Variants in PDPR observed in about 807,000 individuals in gnomAD.
PDPR encodes the protein pyruvate dehydrogenase phosphatase regulatory subunit, also known as pyruvate dehydrogenase phosphatase regulatory subunit, mitochondrial.
In PDPR, 50 loss-of-function variants were observed where a neutral mutation model predicts 102.2. That is an observed-to-expected ratio of 0.49 (90% CI 0.39 to 0.62). The LOEUF (loss-of-function observed/expected upper bound fraction) is 0.62, where lower values mean the gene tolerates loss of function less well. PDPR is among the 20% of genes least tolerant of loss of function. The probability of loss-of-function intolerance (pLI) is 0.00; values close to 1 mark genes in which losing one functional copy is unlikely to be tolerated. For missense variants in PDPR, 625 were observed against 1,098.2 expected, an observed-to-expected ratio of 0.57 and a Z score of 6.09; for synonymous variants, 259 against 406.0, an observed-to-expected ratio of 0.64 and a Z score of 4.35.
At chr16:70,135,251 T>TC (rs1555524829) in intron 9 of PDPR, among the ~76,000 whole-genome samples, 3 of 152,018 alleles carry the variant, frequency 2.0e-5, no homozygotes, top group African/African-American at 4.8e-5. Flanking sequence ...TTTTTTTTTT[T>TC]CCTGAGATGG....
In PDPR at chr16:70,157,164, C is replaced by T. The variant is rs753721691; in HGVS notation, c.*285C>T. Reference sequence around the variant, plus strand: ...GGAGGTATGTCTGACAGGACAGAAGCAAGCTCCACTGTGGACATGAGTGAT... The same window carrying T: ...GGAGGTATGTCTGACAGGACAGAAGTAAGCTCCACTGTGGACATGAGTGAT... On this transcript the variant is annotated 3_prime_UTR_variant, in exon 19 of 19. Transcript: ENST00000288050. The T allele has an allele frequency of 1.1e-4, 72 of 640,086 alleles. No individual in the cohort carries two copies. Among genetic ancestry groups the T allele is most frequent in the Non-Finnish European group, 1.8e-4 (64 of 348,484 alleles). The allele number at this position is 640,086 out of a possible 1,614,324, so 39.7% of individuals were successfully genotyped here. A position where few individuals can be genotyped will look rare whatever the true frequency, so the allele number is the denominator to read the frequency against.
At chr16:70,150,605 T>C (rs1327589045) in intron 17 of PDPR, among the ~76,000 whole-genome samples, 1 of 148,844 alleles carries the variant, frequency 6.7e-6, no homozygotes, top group Non-Finnish European at 1.5e-5. Flanking sequence ...CCTCCGAGGC[T>C]GAAGTGATCC....
intron 2 of PDPR, among the ~76,000 whole-genome samples, chr16:70,115,829 A>G (rs1461791696): frequency 2.6e-5 from 4 of 152,072 alleles, no homozygotes; most frequent in Non-Finnish European, 5.9e-5. Flanking sequence ...GTTTTAAACC[A>G]GATGATGTGC....
At chr16:70,129,629 G>T (rs1259163675) in intron 6 of PDPR, among the ~76,000 whole-genome samples, 1 of 152,196 alleles carries the variant, frequency 6.6e-6, no homozygotes, top group Non-Finnish European at 1.5e-5. Context: ...GATTACAGGC[G>T]TGAGCCACTG....
In PDPR at chr16:70,156,958, C is replaced by T. The variant is rs956844581; in HGVS notation, c.*79C>T. On this transcript the variant is annotated 3_prime_UTR_variant, in exon 19 of 19. Coordinates refer to ENST00000288050, the MANE Select transcript of PDPR (RefSeq NM_017990.5). ...CACCTTGGAGCTTCTCTTCCTTCCGCCTCTGTTCCTCTTCTGGAGCCTTTG... is the reference window on the plus strand; with the variant it reads ...CACCTTGGAGCTTCTCTTCCTTCCGTCTCTGTTCCTCTTCTGGAGCCTTTG... 1.3e-6 allele frequency: 2 copies of T among 1,531,562 alleles called. No homozygotes were observed. Among genetic ancestry groups the T allele is most frequent in the South Asian group, 2.4e-5 (2 of 84,166 alleles). The allele number at this position is 1,531,562 out of a possible 1,614,324, so 94.9% of individuals were successfully genotyped here. A position where few individuals can be genotyped will look rare whatever the true frequency, so the allele number is the denominator to read the frequency against.
Position 70,153,532 on chromosome 16 carries a change from C to G in PDPR, c.2194C>G (p.Pro732Ala). The change falls in exon 18 of 19, where the codon CCC (proline) becomes GCC (alanine). Residue 732 changes from proline (P) to alanine (A), a missense_variant. By Grantham distance (27) the Pro-to-Ala change is conservative (BLOSUM62 -1). Transcript: ENST00000288050. ...WGQDINNLTT[P>A]LECGRESRVK... Reference sequence around the variant, plus strand: ...TCAGGATATAAATAACCTCACCACGCCCCTGGAATGTGGACGAGAGTCTCG... The same window carrying G: ...TCAGGATATAAATAACCTCACCACGGCCCTGGAATGTGGACGAGAGTCTCG... 7.4e-6 allele frequency: 12 copies of G among 1,611,324 alleles called. No individual in the cohort carries two copies. Among genetic ancestry groups the G allele is most frequent in the Non-Finnish European group, 1.0e-5 (12 of 1,178,986 alleles).
intron 3 of PDPR, among the ~76,000 whole-genome samples, chr16:70,126,590 C>T (rs563864411): frequency 2.4e-4 from 37 of 152,362 alleles, no homozygotes; most frequent in Non-Finnish European, 5.0e-4. Context: ...GTTTCGATCT[C>T]CTGACCTTGT....
In PDPR at chr16:70,156,555, G is replaced by A. The variant is rs374283850; in HGVS notation, c.2316G>A (p.Leu772=). ...ATAAACGCCTCACCATGTTCATCCT[G>A]GACGACCATGATTCAGACCTAGACC... ...GVYKRLTMFI[L]DDHDSDLDLW... The change falls in exon 19 of 19, where the codon CTG becomes CTA. Residue 772 remains leucine, a synonymous_variant. Transcript: ENST00000288050. 1 of 1,614,096 alleles carries A rather than the reference G, an allele frequency of 6.2e-7. No homozygotes were observed. The highest frequency in any genetic ancestry group is 1.7e-4 in the Middle Eastern group (1 of 6,060).
chr16:70,144,044 AC>A (rs1412899365), intron 14 of PDPR, among the ~76,000 whole-genome samples: 1 of 152,166 alleles, frequency 6.6e-6, no homozygotes, highest in Non-Finnish European at 1.5e-5. Context: ...GGTACACGCC[AC>A]CACACCCAGC....
rs143510231 is a variant in PDPR at position 70,118,784 on chromosome 16, G to A, written c.-32-1677G>A. On this transcript the variant is annotated intron_variant, in intron 2 of 18. Transcript: ENST00000288050. ...TCTGTTTTGAGATGGTGCTTAACAG[G>A]GACCAGGGATGAGAGGCATGGTGGC... Among the ~76,000 whole-genome samples, 3 of 152,256 alleles carry A rather than the reference G, an allele frequency of 2.0e-5. No homozygotes were observed. In the East Asian group the frequency reaches 5.8e-4, roughly 29 times the overall value.
chr16:70,125,860 C>T (rs1332794523), intron 3 of PDPR, among the ~76,000 whole-genome samples: 2 of 152,250 alleles, frequency 1.3e-5, no homozygotes, highest in East Asian at 3.9e-4. Context: ...TCTCGAACGC[C>T]TGACCTCAAG....
rs527446059 is a variant in PDPR at position 70,159,064 on chromosome 16, C to T, written c.*2185C>T. On this transcript the variant is annotated 3_prime_UTR_variant, in exon 19 of 19. Coordinates refer to ENST00000288050, the MANE Select transcript of PDPR (RefSeq NM_017990.5). ...AAAAGCTGTCTCCATAGTTTAAAAT[C>T]GAATAGTGCCATCATCACAGTATAT... is the stretch of plus-strand genomic sequence containing the variant. 8 of 152,482 alleles carry T rather than the reference C, an allele frequency of 5.2e-5. No homozygotes were observed. The East Asian group carries it at 7.7e-4, about 15-fold the overall frequency. The allele number at this position is 152,482 out of a possible 1,614,324, so 9.4% of individuals were successfully genotyped here.
chr16:70,120,469 C>T lies in PDPR; in HGVS notation c.-24C>T, dbSNP rs773083723. 1.1e-5 allele frequency: 18 copies of T among 1,589,108 alleles called. No individual in the cohort carries two copies. Among genetic ancestry groups the T allele is most frequent in the Middle Eastern group, 1.7e-4 (1 of 6,034 alleles). On this transcript the variant is annotated 5_prime_UTR_variant, in exon 3 of 19. Transcript: ENST00000288050. The stretch of plus-strand genomic sequence containing the variant: ...TTGGTTTCTCTGTCTAGTTTGAGTT[C>T]CTGAGATCTAGTTGGTGAGAGACAT...
At chr16:70,128,001 A>G (rs1252854543) in intron 4 of PDPR, among the ~76,000 whole-genome samples, 10 of 152,176 alleles carry the variant, frequency 6.6e-5, no homozygotes, top group Non-Finnish European at 1.2e-4. Flanking sequence ...TACGTGCTCA[A>G]GACTGACTCT....
intron 17 of PDPR, among the ~76,000 whole-genome samples, chr16:70,152,395 T>G (rs1407202576): frequency 6.6e-6 from 1 of 152,278 alleles, no homozygotes; most frequent in African/African-American, 2.4e-5. Context: ...GGCAGCCACC[T>G]ATAGTACCAG....
intron 17 of PDPR, among the ~76,000 whole-genome samples, chr16:70,152,587 G>A (rs1174303294): frequency 2.0e-5 from 3 of 152,290 alleles, no homozygotes; most frequent in Non-Finnish European, 4.4e-5. Context: ...TTCAGCTACA[G>A]TGGTGCAGTT....
In PDPR at chr16:70,153,377, G is replaced by C. The variant is rs372790179; in HGVS notation, c.2053-14G>C. 7.8e-5 allele frequency: 126 copies of C among 1,606,726 alleles called. No individual in the cohort carries two copies. The highest frequency in any genetic ancestry group is 9.3e-5 in the Non-Finnish European group (109 of 1,176,554). Reference sequence around the variant, plus strand: ...AAGGTCTGCTGCTTATGAACTTTCTGTCTCTTCCTATAGTACGCCCTGCAT... The same window carrying C: ...AAGGTCTGCTGCTTATGAACTTTCTCTCTCTTCCTATAGTACGCCCTGCAT... On this transcript the variant is annotated splice_polypyrimidine_tract_variant and intron_variant, in intron 17 of 18. Coordinates refer to ENST00000288050, the MANE Select transcript of PDPR (RefSeq NM_017990.5).
intron 18 of PDPR, among the ~76,000 whole-genome samples, chr16:70,155,802 C>CTTTTTT (rs60054362): frequency 5.0e-5 from 7 of 139,694 alleles, no homozygotes; most frequent in African/African-American, 1.9e-4. Context: ...ATAAAAAAGT[C>CTTTTTT]TTTTTTTTTT....
At chr16:70,134,572 C>T (rs552973196) in intron 9 of PDPR, among the ~76,000 whole-genome samples, 3 of 150,340 alleles carry the variant, frequency 2.0e-5, no homozygotes, top group South Asian at 4.3e-4. Context: ...GCGGGCAGAT[C>T]GCCTGAGGTC....
Sources: allele counts gnomAD v4.1 joint callset (sites outside exome capture counted in the v4.1 genomes callset), GRCh38; gene constraint gnomAD v4.1.1; transcripts MANE v1.5; gene names NCBI Gene and HGNC (gene_info 2026-07-23, HGNC 2026-07-21).